FARS2: variants seen among roughly 807,000 people sequenced by gnomAD.
FARS2 encodes phenylalanine--tRNA ligase, mitochondrial.
A neutral mutation model predicts 46.4 loss-of-function variants in FARS2; 40 were observed. The ratio of observed to expected loss-of-function variants is 0.86; its 90% CI spans 0.67 to 1.12. The LOEUF is 1.12. Among genes scored for constraint, FARS2 ranks in the 50% most tolerant of loss-of-function variants. The pLI is 0.00. For synonymous variants in FARS2, 234 were observed against 214.9 expected (o/e 1.09, Z -0.78); for missense variants, 513 against 567.9 (o/e 0.90, Z 0.98).
chr6:5,340,077 C>T (rs895753739), intron 1 of FARS2, among the ~76,000 whole-genome samples: 9 of 152,200 alleles, frequency 5.9e-5, no homozygotes, highest in Non-Finnish European at 1.0e-4. Context: ...ATATTAATAG[C>T]AACCAAATAC....
intron 1 of FARS2, 66 bp from the exon 2 acceptor site, chr6:5,368,484 C>G (rs1758819912): frequency 1.4e-6 from 2 of 1,423,458 alleles, no homozygotes; most frequent in Admixed American, 2.1e-5. Context: ...GTGGGAGATG[C>G]AAAGAACACA....
chr6:5,759,907 C>A (rs1305017808), intron 6 of FARS2, among the ~76,000 whole-genome samples: 1 of 152,160 alleles, frequency 6.6e-6, no homozygotes, highest in African/African-American at 2.4e-5. Flanking sequence ...ATTTCATGAA[C>A]ATGTTACTTG....
rs188548614 is a variant in FARS2 at position 5,354,304 on chromosome 6, G to A, written c.-21-14246G>A. ...AGCCTGAGACTCAGAGGGGATGGAG[G>A]AGCTGAGTACTATTATTATAATAAC... On this transcript the variant is annotated intron_variant, in intron 1 of 6. Transcript: ENST00000274680. 2.6e-3 allele frequency among the ~76,000 whole-genome samples: 394 copies of A among 152,158 alleles called. 5 individuals carry two copies. Among genetic ancestry groups the A allele is most frequent in the Non-Finnish European group, 4.0e-3 (272 of 68,020 alleles).
chr6:5,323,601 C>T (rs536678557), intron 1 of FARS2, among the ~76,000 whole-genome samples: 1 of 152,300 alleles, frequency 6.6e-6, no homozygotes, highest in East Asian at 1.9e-4. Flanking sequence ...CATCCAGAAT[C>T]TTACCAAGAT....
chr6:5,457,443 C>T (rs1034009497), intron 4 of FARS2, among the ~76,000 whole-genome samples: 1 of 152,166 alleles, frequency 6.6e-6, no homozygotes, highest in East Asian at 1.9e-4. Flanking sequence ...GTTTTCCGTG[C>T]CTATCACAAT....
chr6:5,506,946 T>C (rs967310493), intron 4 of FARS2, among the ~76,000 whole-genome samples: 2 of 152,222 alleles, frequency 1.3e-5, no homozygotes, highest in Non-Finnish European at 2.9e-5. Context: ...CTTTCCTGGA[T>C]ACATGTCTAC....
chr6:5,503,022 A>T (rs1561668197), intron 4 of FARS2, among the ~76,000 whole-genome samples: 1 of 152,144 alleles, frequency 6.6e-6, no homozygotes, highest in South Asian at 2.1e-4. Flanking sequence ...CTCAATGTTT[A>T]TGATCAAATT....
intron 5 of FARS2, among the ~76,000 whole-genome samples, chr6:5,578,669 C>T (rs191428787): frequency 5.3e-5 from 8 of 151,778 alleles, no homozygotes; most frequent in African/African-American, 1.2e-4. Flanking sequence ...ATTAGCCAGG[C>T]GTGGTGGTGG....
In FARS2 at chr6:5,511,913, A is replaced by G. The variant is rs183696256; in HGVS notation, c.905-33267A>G. Among the ~76,000 whole-genome samples, 3 of 152,346 alleles carry G rather than the reference A, an allele frequency of 2.0e-5. No individual in the cohort carries two copies. The East Asian group carries it at 5.8e-4, about 29-fold the overall frequency. On this transcript the variant is annotated intron_variant, in intron 4 of 6. Coordinates refer to ENST00000274680, the MANE Select transcript of FARS2 (RefSeq NM_006567.5). ...AACCTCTTTCCATGTGTACACATTCATTAATCAGAACTTTTCACATATAAA... is the reference window on the plus strand; with the variant it reads ...AACCTCTTTCCATGTGTACACATTCGTTAATCAGAACTTTTCACATATAAA...
At chr6:5,546,471 C>T (rs369381362) in intron 5 of FARS2, among the ~76,000 whole-genome samples, 30 of 151,532 alleles carry the variant, frequency 2.0e-4, no homozygotes, top group East Asian at 3.9e-4. Context: ...AGGCTGGTCT[C>T]AAACTCCTGA....
At chr6:5,294,216 G>A (rs1767697455) in intron 1 of FARS2, among the ~76,000 whole-genome samples, 1 of 152,124 alleles carries the variant, frequency 6.6e-6, no homozygotes, top group South Asian at 2.1e-4. Flanking sequence ...TTTGTGACTA[G>A]GCATTTGAGT....
intron 4 of FARS2, among the ~76,000 whole-genome samples, chr6:5,434,089 T>C (rs754237298): frequency 1.5e-4 from 22 of 148,328 alleles, no homozygotes; most frequent in Non-Finnish European, 3.2e-4. Flanking sequence ...TTGGGGAAAC[T>C]GTACACATAA....
chr6:5,253,024 G>A, the FARS2 span, among the ~76,000 whole-genome samples: 1 of 152,156 alleles, frequency 6.6e-6, no homozygotes, highest in Non-Finnish European at 1.5e-5. Flanking sequence ...CCTTTCTATG[G>A]CCTTTCCTTT....
At chr6:5,394,583 A>G (rs188556683) in intron 2 of FARS2, among the ~76,000 whole-genome samples, 2 of 152,308 alleles carry the variant, frequency 1.3e-5, no homozygotes, top group East Asian at 1.9e-4. Flanking sequence ...CAGTAAAACT[A>G]TGAAGGTTTT....
intron 2 of FARS2, among the ~76,000 whole-genome samples, chr6:5,386,295 C>A (rs556787006): frequency 6.6e-6 from 1 of 152,000 alleles, no homozygotes; most frequent in Non-Finnish European, 1.5e-5. Context: ...TAGTGTGGAG[C>A]GTGGCACATT....
At chr6:5,754,741 T>A (rs1006729928) in intron 6 of FARS2, among the ~76,000 whole-genome samples, 6 of 152,248 alleles carry the variant, frequency 3.9e-5, no homozygotes, top group African/African-American at 1.4e-4. Context: ...CATTAGCTCC[T>A]GAACTCTTTG....
intron 5 of FARS2, among the ~76,000 whole-genome samples, chr6:5,557,089 T>A (rs1469903763): frequency 2.0e-5 from 3 of 152,134 alleles, no homozygotes; most frequent in African/African-American, 7.2e-5. Flanking sequence ...AGGAACCGGT[T>A]TGAAGGAACT....
chr6:5,566,677 A>T (rs1340411565), intron 5 of FARS2, among the ~76,000 whole-genome samples: 1 of 152,244 alleles, frequency 6.6e-6, no homozygotes, highest in Non-Finnish European at 1.5e-5. Context: ...AGAGAAAAAC[A>T]TGAAGGACTT....
At chr6:5,730,004 G>A (rs549522083) in intron 6 of FARS2, among the ~76,000 whole-genome samples, 4 of 152,204 alleles carry the variant, frequency 2.6e-5, no homozygotes, top group Admixed American at 6.5e-5. Context: ...ATCTTCAGCC[G>A]TTGTGCAGTG....
Sources: allele counts gnomAD v4.1 joint callset (sites outside exome capture counted in the v4.1 genomes callset), GRCh38; gene constraint gnomAD v4.1.1; transcripts MANE v1.5; gene names NCBI Gene and HGNC (gene_info 2026-07-23, HGNC 2026-07-21).